CPO: variants seen among roughly 807,000 people sequenced by gnomAD.
The protein encoded by CPO is metallocarboxypeptidase C.
In CPO, 43 loss-of-function variants were observed where a neutral mutation model predicts 41.2. That is an observed-to-expected ratio of 1.04 (90% CI 0.82 to 1.35). The LOEUF (loss-of-function observed/expected upper bound fraction) is 1.35. CPO is among the 40% of genes most tolerant of loss of function. The pLI is 0.00. For missense variants in CPO, 408 were observed against 451.7 expected (o/e 0.90, Z 0.88); for synonymous variants, 178 against 162.7 (o/e 1.09, Z -0.72).
In CPO at chr2:206,947,759, A is replaced by T. The variant is rs145428140; in HGVS notation, c.69-1858A>T. Among the ~76,000 whole-genome samples the T allele has an allele frequency of 3.6e-3, 556 of 152,338 alleles. 2 individuals are homozygous for T. The highest frequency in any genetic ancestry group is 0.012 in the African/African-American group (496 of 41,586). ...GGCAAAAGACTTGAACAGACACCTCATCAAAGAAAATATAGAGACAGCGAG... is the reference window on the plus strand; with the variant it reads ...GGCAAAAGACTTGAACAGACACCTCTTCAAAGAAAATATAGAGACAGCGAG... On this transcript the variant is annotated intron_variant, in intron 1 of 8. Transcript: ENST00000272852.
intron 1 of CPO, among the ~76,000 whole-genome samples, chr2:206,944,585 T>C (rs1304966544): frequency 6.6e-6 from 1 of 152,082 alleles, no homozygotes; most frequent in African/African-American, 2.4e-5. Context: ...TAACCAATTA[T>C]TTGGACAATT....
chr2:206,967,331 CTATATATA>C (rs200615925), intron 7 of CPO, among the ~76,000 whole-genome samples: 1 of 118,508 alleles, frequency 8.4e-6, no homozygotes, highest in African/African-American at 3.5e-5. Flanking sequence ...CTCTGAAATG[CTATATATA>C]TATATATATA....
At chr2:206,958,534 C>A in intron 4 of CPO, 129 bp downstream of exon 4, 1 of 505,070 alleles carries the variant, frequency 2.0e-6, no homozygotes. Context: ...AATCCTTCAC[C>A]TCAAGTGAAA....
intron 6 of CPO, 119 bp from the exon 7 acceptor site, chr2:206,962,293 C>A: frequency 1.2e-6 from 1 of 854,216 alleles, no homozygotes; most frequent in Non-Finnish European, 1.9e-6. Flanking sequence ...CTAACTCAGA[C>A]AACCAAGGGC....
intron 6 of CPO, among the ~76,000 whole-genome samples, chr2:206,962,099 C>CAAAA (rs766647290): frequency 2.9e-5 from 2 of 69,436 alleles, no homozygotes; most frequent in Non-Finnish European, 6.0e-5. Flanking sequence ...GACTCTGTCT[C>CAAAA]AAAAAAAAAA....
Position 206,949,597 on chromosome 2 carries a change from T to C in CPO, c.69-20T>C. ...CCCAGTTTCACCACTGCTTTTCCTC[T>C]TACTTTCTTCCCTTTGCAGATCCTT... On this transcript the variant is annotated intron_variant, in intron 1 of 8. Transcript: ENST00000272852. 6.3e-7 allele frequency: 1 copy of C among 1,591,604 alleles called. No homozygotes were observed. Among genetic ancestry groups the C allele is most frequent in the Non-Finnish European group, 8.6e-7 (1 of 1,159,846 alleles).
chr2:206,944,064 ATCT>A (rs1013289741), intron 1 of CPO, among the ~76,000 whole-genome samples: 1 of 152,074 alleles, frequency 6.6e-6, no homozygotes, highest in African/African-American at 2.4e-5. Flanking sequence ...CAAGAAATAA[ATCT>A]TCTTTTCAAT....
rs1693587501 is a variant in CPO, at chr2:206,967,045, G to C, written c.778-1218G>C. Among the ~76,000 whole-genome samples, 3 of 152,278 alleles carry C rather than the reference G, an allele frequency of 2.0e-5. No individual in the cohort carries two copies. In the South Asian group the frequency reaches 6.2e-4, roughly 32 times the overall value. ...GGGGAGCTGGTGCACCTGGAGTGCA[G>C]TCAGGAAGCCCTGAGGGGTAAGGCT... On this transcript the variant is annotated intron_variant, in intron 7 of 8. Coordinates refer to ENST00000272852, the MANE Select transcript of CPO (RefSeq NM_173077.3).
intron 1 of CPO, among the ~76,000 whole-genome samples, chr2:206,946,309 T>G (rs1693144421): frequency 1.3e-5 from 2 of 152,220 alleles, no homozygotes; most frequent in African/African-American, 4.8e-5. Context: ...GTCCCAGGTA[T>G]GCAAAGCTGG....
At chr2:206,962,281 G>C (rs1384990260) in intron 6 of CPO, 131 bp from the exon 7 acceptor site, 1 of 754,806 alleles carries the variant, frequency 1.3e-6, no homozygotes, top group Non-Finnish European at 2.3e-6. Context: ...ATTTAGCCTG[G>C]ACTAACTCAG....
chr2:206,944,640 T>A (rs763042932), intron 1 of CPO, among the ~76,000 whole-genome samples: 23 of 152,058 alleles, frequency 1.5e-4, no homozygotes, highest in Non-Finnish European at 2.9e-4. Context: ...TTGGACAAGC[T>A]AATAGGGCAA....
intron 2 of CPO, among the ~76,000 whole-genome samples, chr2:206,951,510 G>C (rs1174064750): frequency 6.6e-6 from 1 of 152,064 alleles, no homozygotes; most frequent in Non-Finnish European, 1.5e-5. Flanking sequence ...TATTCTCTCA[G>C]CATTTAGGAA....
intron 6 of CPO, among the ~76,000 whole-genome samples, chr2:206,961,354 T>G (rs571299096): frequency 5.3e-5 from 8 of 152,198 alleles, no homozygotes; most frequent in Non-Finnish European, 1.0e-4. Context: ...AATCTCAATA[T>G]GCCCAGTGAA....
At chr2:206,956,615 G>C (rs536288103) in intron 3 of CPO, among the ~76,000 whole-genome samples, 1 of 152,292 alleles carries the variant, frequency 6.6e-6, no homozygotes, top group East Asian at 1.9e-4. Flanking sequence ...ATAGCCAAAA[G>C]GCTGAGAAGC....
chr2:206,949,221 G>T (rs1051502762), intron 1 of CPO, among the ~76,000 whole-genome samples: 1 of 152,158 alleles, frequency 6.6e-6, no homozygotes, highest in African/African-American at 2.4e-5. Flanking sequence ...GATAATAAGA[G>T]TACCTATCTC....
At chr2:206,952,268 A>T (rs989339304) in intron 2 of CPO, among the ~76,000 whole-genome samples, 7 of 151,940 alleles carry the variant, frequency 4.6e-5, no homozygotes, top group African/African-American at 1.5e-4. Flanking sequence ...ACTCACCACC[A>T]TGCCCAGCTA....
rs142745078 is a variant in CPO, at chr2:206,944,140, G to C, written c.68+4473G>C. On this transcript the variant is annotated intron_variant, in intron 1 of 8. Transcript: ENST00000272852. ...GAATATATACCCACTGGGTGGTTGA[G>C]TGACTTAAATAAGATAATAATATAA... Among the ~76,000 whole-genome samples the C allele has an allele frequency of 8.5e-4, 130 of 152,118 alleles. No homozygotes were observed. The Middle Eastern group carries it at 0.014, about 16-fold the overall frequency.
intron 1 of CPO, among the ~76,000 whole-genome samples, chr2:206,941,907 C>A (rs1365610491): frequency 6.6e-6 from 1 of 151,976 alleles, no homozygotes; most frequent in East Asian, 1.9e-4. Flanking sequence ...TGGGATTTAG[C>A]AATATCAATC....
At chr2:206,940,457 A>G (rs1205421813) in intron 1 of CPO, among the ~76,000 whole-genome samples, 2 of 152,220 alleles carry the variant, frequency 1.3e-5, no homozygotes, top group Middle Eastern at 3.4e-3. Flanking sequence ...CAAGTAAAAA[A>G]TACACATTGT....
Sources: gnomAD v4.1 joint callset for allele counts (sites outside exome capture counted in the v4.1 genomes callset) on GRCh38, gnomAD v4.1.1 for gene constraint, MANE v1.5 for transcripts, NCBI Gene and HGNC (gene_info 2026-07-23, HGNC 2026-07-21) for gene names.